RHOBTB2: variants seen among roughly 807,000 people sequenced by gnomAD.
RHOBTB2 encodes rho-related BTB domain-containing protein 2.
In RHOBTB2, 39 loss-of-function variants were observed where a neutral mutation model predicts 66.5. The ratio of observed to expected loss-of-function variants is 0.59; its 90% CI spans 0.45 to 0.77. RHOBTB2 has a LOEUF of 0.77. Ranked by LOEUF, RHOBTB2 falls within the 30% of genes least tolerant of loss-of-function variation. The pLI, the probability that RHOBTB2 is intolerant of heterozygous loss-of-function variation, is 0.00. For missense variants in RHOBTB2, 755 were observed against 999.1 expected (o/e 0.76, Z 3.29); for synonymous variants, 390 against 395.0 (o/e 0.99, Z 0.15).
chr8:22,986,743 T>TG (rs1810295821), upstream of RHOBTB2, among the ~76,000 whole-genome samples: 1 of 152,164 alleles, frequency 6.6e-6, no homozygotes, highest in Admixed American at 6.5e-5. Context: ...CTATCAAACC[T>TG]ATAGGACTCA....
intron 6 of RHOBTB2, among the ~76,000 whole-genome samples, chr8:23,009,495 C>T (rs1811072968): frequency 6.6e-6 from 1 of 152,172 alleles, no homozygotes. Context: ...CGACTTTGTG[C>T]AGGCGCGTGG....
At chr8:22,973,324 G>C in the RHOBTB2 span, among the ~76,000 whole-genome samples, 1 of 152,038 alleles carries the variant, frequency 6.6e-6, no homozygotes, top group Non-Finnish European at 1.5e-5. Context: ...AACCTCCTGG[G>C]CTCAAGCAAT....
At position 23,017,273 on chromosome 8, in the gene RHOBTB2, A is replaced by G. The variant is rs1811318382; in HGVS notation, c.1988A>G (p.Lys663Arg). Residue 663 changes from lysine to arginine, a missense_variant, in exon 10 of 10, where the codon AAG becomes AGG. Physicochemically the swap from Lys to Arg is conservative, Grantham distance 26 (BLOSUM62 2). Around this residue, in one of 7 missense-constraint regions of RHOBTB2, gnomAD observed 353 missense variants for 458.2 expected, o/e 0.77. Coordinates refer to ENST00000251822, the MANE Select transcript of RHOBTB2 (RefSeq NM_015178.3). The surrounding 1 kb of genome is among the most constrained non-coding windows in gnomAD (Gnocchi z 5.3). Reference sequence around the variant, plus strand: ...CCAGAAAACCAGGAGTATTTCGAGAAGCATCGGTGGCCACCTGTGTGGTAC... The same window carrying G: ...CCAGAAAACCAGGAGTATTTCGAGAGGCATCGGTGGCCACCTGTGTGGTAC... The part of the protein sequence containing the change: ...MSPENQEYFE[K>R]HRWPPVWYLK... 4 of 1,614,036 alleles carry G rather than the reference A, an allele frequency of 2.5e-6. No homozygotes were observed. The Admixed American group carries it at 6.7e-5, about 27-fold the overall frequency.
At chr8:22,979,393 T>C in the RHOBTB2 span, among the ~76,000 whole-genome samples, 2 of 152,160 alleles carry the variant, frequency 1.3e-5, no homozygotes, top group East Asian at 3.8e-4. Context: ...CGGAGATAAC[T>C]ACTTTTTATA....
the RHOBTB2 span, among the ~76,000 whole-genome samples, chr8:22,955,527 C>A: frequency 6.6e-6 from 1 of 151,422 alleles, no homozygotes; most frequent in African/African-American, 2.4e-5. Flanking sequence ...ATTGTGGAAA[C>A]CAGGATCTCA....
At chr8:23,000,236 T>C in intron 1 of RHOBTB2, 131 bp downstream of exon 1, 1 of 542,286 alleles carries the variant, frequency 1.8e-6, no homozygotes, top group Non-Finnish European at 2.4e-6. Flanking sequence ...GGCTCTGGCT[T>C]CGGCTGCTGG....
At chr8:22,990,702 G>A (rs1191622607) in intron 1 of RHOBTB2, among the ~76,000 whole-genome samples, 5 of 152,194 alleles carry the variant, frequency 3.3e-5, no homozygotes, top group Non-Finnish European at 7.3e-5. Flanking sequence ...AGAAGGTTGA[G>A]GCGTGTGTTT....
At chr8:22,957,420 A>C in the RHOBTB2 span, among the ~76,000 whole-genome samples, 7 of 152,232 alleles carry the variant, frequency 4.6e-5, no homozygotes, top group East Asian at 1.2e-3. Flanking sequence ...CACATCCCTG[A>C]TTTGGGCTTC....
chr8:22,991,218 G>A (rs1810417626), intron 1 of RHOBTB2, among the ~76,000 whole-genome samples: 1 of 152,122 alleles, frequency 6.6e-6, no homozygotes, highest in African/African-American at 2.4e-5. Flanking sequence ...CAGCACCTCA[G>A]GAAACTTCTG....
chr8:23,000,514 C>A (rs1027950805), intron 1 of RHOBTB2, among the ~76,000 whole-genome samples: 1 of 152,158 alleles, frequency 6.6e-6, no homozygotes, highest in African/African-American at 2.4e-5. Flanking sequence ...GAACTCAACT[C>A]CATTGCAGTC....
the RHOBTB2 span, among the ~76,000 whole-genome samples, chr8:22,978,451 C>T: frequency 5.4e-5 from 8 of 147,664 alleles, no homozygotes; most frequent in African/African-American, 1.8e-4. Context: ...GGTGCCACTG[C>T]ACTCCAGCCT....
In RHOBTB2 at chr8:22,989,805, A is replaced by C. The variant is rs1810380802; in HGVS notation, c.-137+2242A>C. Among the ~76,000 whole-genome samples, 5 of 152,336 alleles carry C rather than the reference A, an allele frequency of 3.3e-5. No individual in the cohort carries two copies. The South Asian group carries it at 1.0e-3, about 32-fold the overall frequency. On this transcript the variant is annotated intron_variant, in intron 1 of 11. Transcript: ENST00000519685. ...TGACATACATTAAGCATAACGTGCT[A>C]GGGCAAGAGGCCTCAGGGCTGTGCT... is the stretch of plus-strand genomic sequence containing the variant.
At chr8:22,951,244 C>CTTTTT in the RHOBTB2 span, among the ~76,000 whole-genome samples, 51 of 87,956 alleles carry the variant, frequency 5.8e-4, no homozygotes, top group Non-Finnish European at 7.6e-4. Context: ...CTACTTAGCT[C>CTTTTT]TTTTTTTTTT....
upstream of RHOBTB2, chr8:22,995,769 G>T: frequency 7.3e-7 from 1 of 1,366,218 alleles, no homozygotes; most frequent in Non-Finnish European, 1.0e-6. Flanking sequence ...GGAACACCAC[G>T]TGCCCCAGCC....
At chr8:22,976,350 G>A in the RHOBTB2 span, among the ~76,000 whole-genome samples, 1 of 152,110 alleles carries the variant, frequency 6.6e-6, no homozygotes, top group Non-Finnish European at 1.5e-5. Flanking sequence ...TGCAAAGAGA[G>A]ATTCCCGGAC....
the RHOBTB2 span, among the ~76,000 whole-genome samples, chr8:22,969,953 T>C: frequency 4.9e-4 from 75 of 152,220 alleles, no homozygotes; most frequent in Non-Finnish European, 1.0e-3. Context: ...GGTTTCCACA[T>C]GTTGCCCAGG....
chr8:22,966,425 C>G, the RHOBTB2 span, among the ~76,000 whole-genome samples: 1 of 151,666 alleles, frequency 6.6e-6, no homozygotes, highest in Non-Finnish European at 1.5e-5. Flanking sequence ...AAGCAAAAAA[C>G]GGGTGAAGGA....
the RHOBTB2 span, among the ~76,000 whole-genome samples, chr8:22,979,914 C>T: frequency 3.3e-5 from 5 of 151,482 alleles, no homozygotes; most frequent in South Asian, 2.1e-4. Context: ...CGTGCCATCA[C>T]GCTCAGCTAA....
At chr8:22,991,876 C>A (rs1810433779) in intron 1 of RHOBTB2, among the ~76,000 whole-genome samples, 1 of 152,188 alleles carries the variant, frequency 6.6e-6, no homozygotes, top group African/African-American at 2.4e-5. Context: ...TTACTGACAT[C>A]CAGCAATGCC....
Sources: allele counts gnomAD v4.1 joint callset (sites outside exome capture counted in the v4.1 genomes callset), GRCh38; gene constraint gnomAD v4.1.1; regional missense constraint gnomAD v4.1.1; non-coding constraint Gnocchi (gnomAD v3.1); transcripts MANE v1.5; gene names NCBI Gene and HGNC (gene_info 2026-07-23, HGNC 2026-07-21).